Variants in TIAM2 observed in about 807,000 individuals in gnomAD.
TIAM2 encodes the protein TIAM Rac1 associated GEF 2, also known as rho guanine nucleotide exchange factor TIAM2.
A neutral mutation model predicts 152.9 loss-of-function variants in TIAM2; 80 were observed. The ratio of observed to expected loss-of-function variants is 0.52; its 90% CI spans 0.44 to 0.63. TIAM2 has a LOEUF of 0.63. Among genes scored for constraint, TIAM2 ranks in the 30% least tolerant of loss-of-function variants. The probability of loss-of-function intolerance (pLI) is 0.00; values close to 1 mark genes in which losing one functional copy is unlikely to be tolerated. For missense variants in TIAM2, 1,965 were observed against 2,120.1 expected, an observed-to-expected ratio of 0.93 and a Z score of 1.44; for synonymous variants, 804 against 838.0, an observed-to-expected ratio of 0.96 and a Z score of 0.70.
At chr6:155,015,869 G>C (rs1420813490) in intron 1 of TIAM2, among the ~76,000 whole-genome samples, 1 of 150,890 alleles carries the variant, frequency 6.6e-6, no homozygotes, top group African/African-American at 2.4e-5. Flanking sequence ...CCCAGGAGGC[G>C]GGGGTTGCAG....
At chr6:155,160,367 T>C (rs1282130744) in intron 7 of TIAM2, among the ~76,000 whole-genome samples, 4 of 152,160 alleles carry the variant, frequency 2.6e-5, no homozygotes, top group Non-Finnish European at 5.9e-5. Context: ...GTCAACAGAT[T>C]GGATGAGGCC....
Position 155,217,619 on chromosome 6 carries a change from A to G in TIAM2, c.3168+6312A>G, listed in dbSNP as rs563346236. Among the ~76,000 whole-genome samples the G allele has an allele frequency of 2.6e-5, 4 of 152,338 alleles. No homozygotes were observed. In the East Asian group the frequency reaches 7.7e-4, roughly 29 times the overall value. On this transcript the variant is annotated intron_variant, in intron 15 of 26. Coordinates refer to ENST00000682666, the MANE Select transcript of TIAM2 (RefSeq NM_012454.4). The stretch of plus-strand genomic sequence containing the variant: ...AGAGTTTTTAATTTAGTTATTCTTG[A>G]TGAAATAATTTTTCGGCTTTGTGGA...
At chr6:155,215,133 G>T (rs1163972140) in intron 15 of TIAM2, among the ~76,000 whole-genome samples, 1 of 152,182 alleles carries the variant, frequency 6.6e-6, no homozygotes, top group Non-Finnish European at 1.5e-5. Flanking sequence ...GAGCTCTTAA[G>T]AAGGAAATTG....
chr6:155,256,822 G>C lies in TIAM2; in HGVS notation c.4807G>C (p.Val1603Leu), dbSNP rs755263506. 2.7e-5 allele frequency: 44 copies of C among 1,614,044 alleles called. No individual in the cohort carries two copies. The highest frequency in any genetic ancestry group is 3.6e-5 in the Non-Finnish European group (43 of 1,180,050). Residue 1603 changes from valine to leucine, a missense_variant, in exon 27 of 27, where the codon GTT becomes CTT. Val to Leu is a conservative substitution (Grantham distance 32, BLOSUM62 1). This residue lies in a region of TIAM2 where 935 missense variants were observed against 980.0 expected (regional missense o/e 0.95). Coordinates refer to ENST00000682666, the MANE Select transcript of TIAM2 (RefSeq NM_012454.4). ...ACTGAGGATTTCCGAGGACCCAGAC[G>C]TTCACCCCGAGGCTGAGCAGCAGCC... is the stretch of plus-strand genomic sequence containing the variant. The part of the protein sequence containing the change: ...QRLRISEDPD[V>L]HPEAEQQPGP...
rs557582232 is a variant in TIAM2, at chr6:155,129,134, G to T, written c.-6-84G>T. On this transcript the variant is annotated intron_variant, in intron 3 of 26. Coordinates refer to ENST00000682666, the MANE Select transcript of TIAM2 (RefSeq NM_012454.4). This position sits in a 1 kb window ranked among gnomAD's most constrained non-coding sequence, Gnocchi z 4.8. ...AGGCACTGAAGTTGCTGTGTAATAT[G>T]CAGGGCATTCTTTTTAGAAAGTTCT... 250 of 1,290,586 alleles carry T rather than the reference G, an allele frequency of 1.9e-4. No homozygotes were observed. The highest frequency in any genetic ancestry group is 2.6e-4 in the Non-Finnish European group (241 of 928,958). 79.9% of individuals were successfully genotyped at this position (1,290,586 alleles called of 1,614,324 possible).
At chr6:154,999,659 G>C (rs1316724272) in intron 1 of TIAM2, among the ~76,000 whole-genome samples, 2 of 152,074 alleles carry the variant, frequency 1.3e-5, no homozygotes, top group Non-Finnish European at 2.9e-5. Context: ...ACCGGCCTCA[G>C]TTTCTTGTAA....
intron 2 of TIAM2, among the ~76,000 whole-genome samples, chr6:155,120,937 T>C (rs1779135984): frequency 6.6e-6 from 1 of 152,222 alleles, no homozygotes; most frequent in Non-Finnish European, 1.5e-5. Flanking sequence ...GTTATTTTCT[T>C]ACATTTCCTA....
At chr6:155,134,137 A>G (rs1022617313) in intron 4 of TIAM2, among the ~76,000 whole-genome samples, 2 of 139,110 alleles carry the variant, frequency 1.4e-5, no homozygotes, top group Non-Finnish European at 3.1e-5. Flanking sequence ...ATGGAAATGG[A>G]AATCGTATGA....
chr6:155,010,635 A>G (rs1778471870), intron 1 of TIAM2, among the ~76,000 whole-genome samples: 1 of 151,902 alleles, frequency 6.6e-6, no homozygotes, highest in Admixed American at 6.6e-5. Context: ...TTCTATTTTT[A>G]GTAGAGACGG....
chr6:155,003,117 G>A (rs1349309071), intron 1 of TIAM2, among the ~76,000 whole-genome samples: 1 of 152,124 alleles, frequency 6.6e-6, no homozygotes. Context: ...ATTATAATAT[G>A]ATTATGAGAT....
At chr6:155,160,263 G>A (rs1003741901) in intron 7 of TIAM2, among the ~76,000 whole-genome samples, 18 of 152,042 alleles carry the variant, frequency 1.2e-4, no homozygotes, top group African/African-American at 4.3e-4. Flanking sequence ...AAGCCAAGGG[G>A]GAAAAAAAGC....
chr6:155,114,034 A>T (rs867443021), intron 2 of TIAM2, among the ~76,000 whole-genome samples: 585 of 37,680 alleles, frequency 0.016, 1 homozygote, highest in South Asian at 0.028. Context: ...ATATATATAT[A>T]TATTTTTTTT....
At chr6:155,007,265 G>A (rs943424255) in intron 1 of TIAM2, among the ~76,000 whole-genome samples, 4 of 152,156 alleles carry the variant, frequency 2.6e-5, no homozygotes, top group Admixed American at 2.6e-4. Flanking sequence ...AACCATGTTA[G>A]TTAACTTGCC....
intron 9 of TIAM2, among the ~76,000 whole-genome samples, chr6:155,168,047 A>G (rs571829560): frequency 2.2e-4 from 34 of 152,370 alleles, no homozygotes; most frequent in African/African-American, 8.2e-4. Context: ...TTAAAAAGAT[A>G]TGAAACTAAT....
intron 1 of TIAM2, among the ~76,000 whole-genome samples, chr6:155,001,032 G>A (rs566013901): frequency 6.6e-6 from 1 of 152,290 alleles, no homozygotes; most frequent in South Asian, 2.1e-4. Context: ...ATTGTTGTGA[G>A]TAGATTTAGG....
intron 15 of TIAM2, chr6:155,217,239 C>A: frequency 1.2e-6 from 1 of 850,030 alleles, no homozygotes; most frequent in African/African-American, 1.8e-5. Context: ...ATGCCTTTCT[C>A]CCCAGAAGGG....
At position 155,114,340 on chromosome 6, in the gene TIAM2, C is replaced by A. The variant is rs1431068667; in HGVS notation, c.-117-13150C>A. Reference sequence around the variant, plus strand: ...AAAGTGTTGGGATTACAGGCGTGAGCCACCGTGCCCTGCCATGATACATAT... The same window carrying A: ...AAAGTGTTGGGATTACAGGCGTGAGACACCGTGCCCTGCCATGATACATAT... On this transcript the variant is annotated intron_variant, in intron 2 of 26. Coordinates refer to ENST00000682666, the MANE Select transcript of TIAM2 (RefSeq NM_012454.4). Among the ~76,000 whole-genome samples the A allele has an allele frequency of 2.0e-5, 3 of 152,036 alleles. No individual in the cohort carries two copies. The East Asian group carries it at 5.8e-4, about 29-fold the overall frequency.
intron 2 of TIAM2, among the ~76,000 whole-genome samples, chr6:155,098,959 G>A (rs970298086): frequency 6.6e-6 from 1 of 152,134 alleles, no homozygotes; most frequent in South Asian, 2.1e-4. Flanking sequence ...AGGCTGAGGC[G>A]GGCTGATCAC....
chr6:155,010,905 G>A (rs922510202), intron 1 of TIAM2, among the ~76,000 whole-genome samples: 4 of 152,032 alleles, frequency 2.6e-5, no homozygotes, highest in Admixed American at 1.3e-4. Context: ...TTAGCCAAAT[G>A]TGGTGTCATG....
Sources: gnomAD v4.1 joint callset for allele counts (sites outside exome capture counted in the v4.1 genomes callset) on GRCh38, gnomAD v4.1.1 for gene constraint, gnomAD v4.1.1 regional missense constraint, Gnocchi (gnomAD v3.1) non-coding constraint, MANE v1.5 for transcripts, NCBI Gene and HGNC (gene_info 2026-07-23, HGNC 2026-07-21) for gene names.